AEBP2: variants seen among roughly 807,000 people sequenced by gnomAD.
AEBP2 encodes zinc finger protein AEBP2.
AEBP2 carries 10 observed loss-of-function variants against 50.8 expected under a neutral mutation model. The ratio of observed to expected loss-of-function variants is 0.20; its 90% CI spans 0.12 to 0.33. The LOEUF (loss-of-function observed/expected upper bound fraction) is 0.33, where lower values mean the gene tolerates loss of function less well. AEBP2 is among the 10% of genes least tolerant of loss of function. AEBP2 has a pLI of 1.00. For missense variants in AEBP2, 570 were observed against 688.0 expected (o/e 0.83, Z 1.92); for synonymous variants, 296 against 261.3 (o/e 1.13, Z -1.28).
At chr12:19,418,556 C>T (rs1207100703) in intron 1 of AEBP2, among the ~76,000 whole-genome samples, 1 of 152,094 alleles carries the variant, frequency 6.6e-6, no homozygotes, top group Non-Finnish European at 1.5e-5. Context: ...TTAACTCTTT[C>T]AACTAACTGC....
At chr12:19,495,832 C>T (rs1948970907) in intron 4 of AEBP2, among the ~76,000 whole-genome samples, 1 of 152,122 alleles carries the variant, frequency 6.6e-6, no homozygotes, top group African/African-American at 2.4e-5. Flanking sequence ...GCATGACCCA[C>T]CATACCTGGC....
rs557716383 is a variant in AEBP2, at chr12:19,519,988, TTTTGC to T, written c.*1874_*1878del. The T allele has an allele frequency of 8.8e-4, 135 of 152,732 alleles. No individual in the cohort carries two copies. The highest frequency in any genetic ancestry group is 3.1e-3 in the African/African-American group (129 of 41,598). The allele number at this position is 152,732 out of a possible 1,614,324, so 9.5% of individuals were successfully genotyped here. On this transcript the variant is annotated 3_prime_UTR_variant, in exon 8 of 8. Coordinates refer to ENST00000266508, the MANE Select transcript of AEBP2 (RefSeq NM_153207.5). ...TGTGTTTTCTTTTTTTGTTGTTTTC[TTTTGC>T]TTAAGCACTTCATCAATTGCTTTAT...
At chr12:19,517,039 G>T (rs969716288) in intron 7 of AEBP2, among the ~76,000 whole-genome samples, 7 of 152,012 alleles carry the variant, frequency 4.6e-5, no homozygotes, top group African/African-American at 1.7e-4. Flanking sequence ...AATAAAAAAG[G>T]CCATCTTAAA....
intron 1 of AEBP2, among the ~76,000 whole-genome samples, chr12:19,424,498 G>A (rs1292610238): frequency 2.0e-5 from 3 of 151,786 alleles, no homozygotes; most frequent in African/African-American, 4.8e-5. Flanking sequence ...CCGGGTTCAC[G>A]CCACTCTCCT....
chr12:19,456,750 T>G, intron 1 of AEBP2: 1 of 1,590,872 alleles, frequency 6.3e-7, no homozygotes. Context: ...AGCTTCATGG[T>G]GCATTTCGAC....
chr12:19,494,137 G>A (rs1035833795), intron 4 of AEBP2, among the ~76,000 whole-genome samples, 151 bp downstream of exon 4: 2 of 152,186 alleles, frequency 1.3e-5, no homozygotes, highest in African/African-American at 2.4e-5. Flanking sequence ...TGAGAATTCA[G>A]TGGCACATGT....
At chr12:19,482,278 CTGT>C (rs1948741696) in intron 3 of AEBP2, among the ~76,000 whole-genome samples, 10 of 152,144 alleles carry the variant, frequency 6.6e-5, no homozygotes, top group Admixed American at 6.5e-4. Context: ...GGTCTCCGAG[CTGT>C]GGATACCAGC....
intron 3 of AEBP2, among the ~76,000 whole-genome samples, chr12:19,490,950 C>T (rs951165954): frequency 6.6e-6 from 1 of 152,104 alleles, no homozygotes; most frequent in Non-Finnish European, 1.5e-5. Context: ...TGTACACTTT[C>T]AAATGGTTAA....
intron 2 of AEBP2, among the ~76,000 whole-genome samples, chr12:19,463,232 A>C (rs1948409595): frequency 6.6e-6 from 1 of 152,228 alleles, no homozygotes; most frequent in South Asian, 2.1e-4. Flanking sequence ...AGTTCTGATT[A>C]GTTAGTATTG....
intron 3 of AEBP2, among the ~76,000 whole-genome samples, chr12:19,486,975 T>C (rs1948818860): frequency 6.6e-6 from 1 of 152,154 alleles, no homozygotes; most frequent in Non-Finnish European, 1.5e-5. Context: ...TTCTAGTGGA[T>C]GAGTAGTGGT....
chr12:19,505,663 T>G (rs1949146194), intron 5 of AEBP2, among the ~76,000 whole-genome samples: 2 of 152,206 alleles, frequency 1.3e-5, no homozygotes, highest in African/African-American at 2.4e-5. Flanking sequence ...GAGTTAAGTT[T>G]GAGAGGTAAT....
At chr12:19,412,729 T>C (rs377170636) in intron 1 of AEBP2, among the ~76,000 whole-genome samples, 1 of 152,160 alleles carries the variant, frequency 6.6e-6, no homozygotes, top group Admixed American at 6.5e-5. Context: ...AAATATGTTA[T>C]GGAAAGGGGT....
chr12:19,468,126 TTGTGTGTGTGTG>T (rs10643072), intron 2 of AEBP2, among the ~76,000 whole-genome samples: 7,743 of 144,036 alleles, frequency 0.054, 466 homozygotes, highest in East Asian at 0.18. Flanking sequence ...CTGCCTGACT[TTGTGTGTGTGTG>T]TGTGTGTGTG....
intron 3 of AEBP2, among the ~76,000 whole-genome samples, chr12:19,487,716 A>T (rs1344666315): frequency 6.6e-6 from 1 of 152,060 alleles, no homozygotes; most frequent in Non-Finnish European, 1.5e-5. Flanking sequence ...ACCCCACCTT[A>T]AAAAACATAA....
chr12:19,478,939 T>G (rs928142209), intron 3 of AEBP2, among the ~76,000 whole-genome samples: 1 of 152,176 alleles, frequency 6.6e-6, no homozygotes, highest in African/African-American at 2.4e-5. Flanking sequence ...ATGTATATCC[T>G]GGCCAGGCAT....
intron 3 of AEBP2, among the ~76,000 whole-genome samples, chr12:19,492,657 T>C (rs922204539): frequency 2.6e-5 from 4 of 152,104 alleles, no homozygotes; most frequent in Non-Finnish European, 5.9e-5. Context: ...TCATTTGAAG[T>C]TTAAGAAATT....
chr12:19,504,907 G>A (rs1283048662), intron 5 of AEBP2, among the ~76,000 whole-genome samples: 1 of 152,128 alleles, frequency 6.6e-6, no homozygotes, highest in Non-Finnish European at 1.5e-5. Context: ...GAGAGTGATA[G>A]AACAAAATTT....
upstream of AEBP2, among the ~76,000 whole-genome samples, chr12:19,437,064 C>T (rs1380476182): frequency 2.0e-5 from 3 of 152,166 alleles, no homozygotes; most frequent in East Asian, 1.9e-4. Flanking sequence ...GAAGAAAGGT[C>T]ACTCTCTGCC....
intron 1 of AEBP2, among the ~76,000 whole-genome samples, chr12:19,458,811 T>C (rs1948319722): frequency 6.6e-6 from 1 of 152,190 alleles, no homozygotes; most frequent in African/African-American, 2.4e-5. Context: ...GTTAAAATGG[T>C]ATAAAAGGGT....
Sources: allele counts gnomAD v4.1 joint callset (sites outside exome capture counted in the v4.1 genomes callset), GRCh38; gene constraint gnomAD v4.1.1; transcripts MANE v1.5; gene names NCBI Gene and HGNC (gene_info 2026-07-23, HGNC 2026-07-21).